The following CORO7 variants were observed in gnomAD, a reference collection of about 807,000 sequenced individuals.
CORO7 encodes the protein coronin 7.
CORO7 carries 107 observed loss-of-function variants against 126.6 expected under a neutral mutation model. The observed-to-expected ratio is 0.85, with a 90% CI of 0.72 to 0.99. CORO7 has a LOEUF of 0.99. Among genes scored for constraint, CORO7 ranks in the 50% least tolerant of loss-of-function variants. CORO7 has a pLI of 0.00. For missense variants in CORO7, 1,314 were observed against 1,255.8 expected (o/e 1.05, Z -0.70); for synonymous variants, 603 against 536.8 (o/e 1.12, Z -1.70).
chr16:4,416,336 C>T, intron 1 of CORO7, 123 bp downstream of exon 1: 2 of 1,316,790 alleles, frequency 1.5e-6, no homozygotes, highest in South Asian at 3.4e-5. Context: ...GGGGGGTTCC[C>T]CGGGGATGGA....
rs746313791 is a variant in CORO7, at chr16:4,358,493, C to T, written c.2341-10G>A. ...GCAGGAGGACGAGGCCCTGGGGGAG[C>T]AAGGGAGTCGGAGCTGCCGCTGGGA... On this transcript the variant is annotated splice_polypyrimidine_tract_variant and intron_variant, in intron 23 of 27. Coordinates refer to ENST00000251166, the MANE Select transcript of CORO7 (RefSeq NM_024535.5). 10 of 1,579,312 alleles carry T rather than the reference C, an allele frequency of 6.3e-6. No homozygotes were observed. The highest frequency in any genetic ancestry group is 7.8e-6 in the Non-Finnish European group (9 of 1,159,082).
chr16:4,394,217 G>C (rs112728665), intron 7 of CORO7, among the ~76,000 whole-genome samples: 1 of 152,024 alleles, frequency 6.6e-6, no homozygotes, highest in African/African-American at 2.4e-5. Context: ...AGGCCAAGGC[G>C]GGAGGATCAC....
rs1249611901 is a variant in CORO7, at chr16:4,408,071, TG to T, written c.303+109del. ...AGCCCCGCAGCCCTGGGGAGTGGGG[TG>T]GGGCTGGACTGGGAGGCAGCAGAGC... On this transcript the variant is annotated intron_variant, in intron 4 of 27. Transcript: ENST00000251166. 2.0e-6 allele frequency: 3 copies of T among 1,496,416 alleles called. No individual in the cohort carries two copies. In the Admixed American group the frequency reaches 5.2e-5, roughly 26 times the overall value. The allele number at this position is 1,496,416 out of a possible 1,614,324, so 92.7% of individuals were successfully genotyped here.
intron 3 of CORO7, among the ~76,000 whole-genome samples, chr16:4,410,097 G>T (rs537789931): frequency 6.6e-5 from 10 of 152,240 alleles, no homozygotes; most frequent in Admixed American, 5.2e-4. Flanking sequence ...TCACCAACTT[G>T]GGCTAGCTCC....
rs141082931 is a variant in CORO7 at position 4,390,063 on chromosome 16, A to G, written c.616-1432T>C. Among the ~76,000 whole-genome samples, 272 of 152,304 alleles carry G rather than the reference A, an allele frequency of 1.8e-3. 2 individuals carry two copies. Among genetic ancestry groups the G allele is most frequent in the Non-Finnish European group, 8.7e-4 (59 of 68,026 alleles). On this transcript the variant is annotated intron_variant, in intron 7 of 27. Transcript: ENST00000251166. ...ATGACATGGTGAATAAAATGGGGAA[A>G]GTCCCTGTGCCCGTGGAATAAACAC... is the stretch of plus-strand genomic sequence containing the variant.
At chr16:4,401,141 G>A (rs576201910) in intron 6 of CORO7, among the ~76,000 whole-genome samples, 7 of 152,328 alleles carry the variant, frequency 4.6e-5, no homozygotes, top group Admixed American at 1.3e-4. Flanking sequence ...ACGGGAAACC[G>A]CGGGGAAGAA....
Position 4,361,248 on chromosome 16 carries a change from G to A in CORO7, c.1688C>T (p.Ala563Val). 1 of 1,612,554 alleles carries A rather than the reference G, an allele frequency of 6.2e-7. No homozygotes were observed. Among genetic ancestry groups the A allele is most frequent in the Non-Finnish European group, 8.5e-7 (1 of 1,179,958 alleles). ...DPFDPHRLAVAGEDARIRLWR... is the reference protein window; with the variant it reads ...DPFDPHRLAVVGEDARIRLWR... ...CAGTCGGATCCTGGCGTCCTCACCA[G>A]CTGCAGAGGACAGACAGGGGCTCAT... Residue 563 changes from alanine (A) to valine (V), a missense_variant and splice_region_variant, in exon 18 of 28, where the codon GCT becomes GTT. By Grantham distance (64) the Ala-to-Val change is moderately conservative. Transcript: ENST00000251166.
chr16:4,388,765 T>C, intron 7 of CORO7, 134 bp from the exon 8 acceptor site: 1 of 972,816 alleles, frequency 1.0e-6, no homozygotes, highest in Non-Finnish European at 1.5e-6. Flanking sequence ...AAGGGCTGGG[T>C]CCTTCTCCAC....
At chr16:4,361,321 C>G (rs777035294) in intron 17 of CORO7, 40 bp downstream of exon 17, 1 of 1,611,172 alleles carries the variant, frequency 6.2e-7, no homozygotes, top group Non-Finnish European at 8.5e-7. Context: ...TATCCGGGAC[C>G]CAGGACCCTC....
At chr16:4,403,510 C>T (rs1282311597) in intron 6 of CORO7, among the ~76,000 whole-genome samples, 1 of 152,154 alleles carries the variant, frequency 6.6e-6, no homozygotes, top group Non-Finnish European at 1.5e-5. Context: ...TCCCACGACC[C>T]ACTTAGGAAA....
chr16:4,407,694 A>G lies in CORO7; in HGVS notation c.304-10T>C, dbSNP rs1269025255. The G allele has an allele frequency of 6.3e-7, 1 of 1,575,126 alleles. No individual in the cohort carries two copies. The highest frequency in any genetic ancestry group is 8.6e-7 in the Non-Finnish European group (1 of 1,162,722). ...GTCGCCAGAGTTTTACCTGCAAGAAAGACCAAGTCCGTGAGCACAGGGCTG... is the reference window on the plus strand; with the variant it reads ...GTCGCCAGAGTTTTACCTGCAAGAAGGACCAAGTCCGTGAGCACAGGGCTG... On this transcript the variant is annotated splice_polypyrimidine_tract_variant and intron_variant, in intron 4 of 27. Coordinates refer to ENST00000251166, the MANE Select transcript of CORO7 (RefSeq NM_024535.5).
In CORO7 at chr16:4,360,567, A is replaced by G; in HGVS notation, c.1918-19T>C. 1 of 1,579,066 alleles carries G rather than the reference A, an allele frequency of 6.3e-7. No individual in the cohort carries two copies. On this transcript the variant is annotated intron_variant, in intron 19 of 27. Transcript: ENST00000251166. ...TGAAGATCTGGGGGCAGGAAGGGAT[A>G]TGAGAGACAGCCTTGCTTCACTGCT...
intron 2 of CORO7, chr16:4,412,867 G>C: frequency 4.5e-6 from 1 of 221,366 alleles, no homozygotes; most frequent in Non-Finnish European, 9.0e-6. Context: ...TCTTAGTTAG[G>C]CTGAAACATT....
chr16:4,379,040 A>G (rs1294222807), intron 9 of CORO7, among the ~76,000 whole-genome samples: 2 of 151,978 alleles, frequency 1.3e-5, no homozygotes, highest in Non-Finnish European at 2.9e-5. Flanking sequence ...TGACTTGTCT[A>G]ATCTGTCCTG....
intron 7 of CORO7, among the ~76,000 whole-genome samples, chr16:4,394,810 C>T (rs983676083): frequency 5.3e-5 from 8 of 152,232 alleles, no homozygotes; most frequent in Admixed American, 2.0e-4. Flanking sequence ...CCAGCTTCCC[C>T]GCTTGGAACT....
intron 9 of CORO7, among the ~76,000 whole-genome samples, chr16:4,366,140 C>T (rs9934554): frequency 1.1e-3 from 174 of 152,302 alleles, no homozygotes; most frequent in Non-Finnish European, 2.0e-3. Flanking sequence ...ATCTGAGCCA[C>T]GTGCCCGGGA....
chr16:4,380,007 G>A (rs1177528299), intron 9 of CORO7, among the ~76,000 whole-genome samples: 1 of 149,868 alleles, frequency 6.7e-6, no homozygotes, highest in Non-Finnish European at 1.5e-5. Context: ...GCAGTGAGCC[G>A]AGATCTCGCC....
At chr16:4,416,120 G>T (rs531461013) in intron 1 of CORO7, among the ~76,000 whole-genome samples, 16 of 152,226 alleles carry the variant, frequency 1.1e-4, no homozygotes, top group African/African-American at 2.4e-4. Context: ...GGCTCCCGGC[G>T]AGGCCGACCG....
chr16:4,398,005 T>A (rs2055663274), intron 6 of CORO7, among the ~76,000 whole-genome samples: 1 of 152,164 alleles, frequency 6.6e-6, no homozygotes, highest in Non-Finnish European at 1.5e-5. Context: ...CAAATCAACC[T>A]CCTGGACTAA....
Sources: allele counts gnomAD v4.1 joint callset (sites outside exome capture counted in the v4.1 genomes callset), GRCh38; gene constraint gnomAD v4.1.1; transcripts MANE v1.5; gene names NCBI Gene and HGNC (gene_info 2026-07-23, HGNC 2026-07-21).